The following KHDRBS2 variants were observed in gnomAD, a reference collection of about 807,000 sequenced individuals.
KHDRBS2 encodes the protein KH RNA binding domain containing, signal transduction associated 2.
A neutral mutation model predicts 44.3 loss-of-function variants in KHDRBS2; 26 were observed. That is an observed-to-expected ratio of 0.59 (90% CI 0.43 to 0.81). KHDRBS2 has a LOEUF of 0.81. Ranked by LOEUF, KHDRBS2 falls within the 40% of genes least tolerant of loss-of-function variation. KHDRBS2 has a pLI of 0.00. For synonymous variants in KHDRBS2, 194 were observed against 151.1 expected (o/e 1.28, Z -2.08); for missense variants, 476 against 433.1 (o/e 1.10, Z -0.88).
At chr6:61,788,021 T>A (rs1784076404) in intron 6 of KHDRBS2, among the ~76,000 whole-genome samples, 1 of 151,626 alleles carries the variant, frequency 6.6e-6, no homozygotes, top group Non-Finnish European at 1.5e-5. Context: ...TATATTTTAG[T>A]GAAATTGAAT....
intron 1 of KHDRBS2, among the ~76,000 whole-genome samples, chr6:62,237,594 A>C (rs1323187181): frequency 3.3e-5 from 5 of 152,204 alleles, no homozygotes; most frequent in Non-Finnish European, 5.9e-5. Flanking sequence ...TAAGAATAAA[A>C]GTATTAGCGT....
chr6:61,914,724 A>G lies in KHDRBS2; in HGVS notation c.484-13353T>C, dbSNP rs1806683557. 2.0e-5 allele frequency among the ~76,000 whole-genome samples: 3 copies of G among 152,144 alleles called. No individual in the cohort carries two copies. The South Asian group carries it at 6.2e-4, about 31-fold the overall frequency. On this transcript the variant is annotated intron_variant, in intron 4 of 8. Transcript: ENST00000281156. ...CTTAAATTGGGAATATTTCAGTGTG[A>G]TGTGATTTCTGTCTTCTGTAGATAG... is the stretch of plus-strand genomic sequence containing the variant.
At chr6:61,955,890 G>C (rs1767121715) in intron 4 of KHDRBS2, among the ~76,000 whole-genome samples, 1 of 151,996 alleles carries the variant, frequency 6.6e-6, no homozygotes, top group South Asian at 2.1e-4. Flanking sequence ...AGATTATGAA[G>C]CTGAGACACA....
intron 2 of KHDRBS2, among the ~76,000 whole-genome samples, chr6:62,055,090 A>G (rs1384809370): frequency 6.6e-6 from 1 of 152,048 alleles, no homozygotes; most frequent in Non-Finnish European, 1.5e-5. Flanking sequence ...TGAAAATACA[A>G]TAACTGTAAA....
At chr6:61,741,952 G>A (rs1323158758) in intron 6 of KHDRBS2, among the ~76,000 whole-genome samples, 1 of 151,814 alleles carries the variant, frequency 6.6e-6, no homozygotes, top group Admixed American at 6.6e-5. Context: ...TCTATAAAAG[G>A]TCAGCAGGCA....
chr6:61,984,956 A>T (rs2127236973), intron 3 of KHDRBS2, among the ~76,000 whole-genome samples: 1 of 152,234 alleles, frequency 6.6e-6, no homozygotes, highest in East Asian at 1.9e-4. Context: ...AAATAAACAA[A>T]CAATAGAAGG....
At chr6:62,000,346 C>T (rs1778008858) in intron 3 of KHDRBS2, among the ~76,000 whole-genome samples, 1 of 152,124 alleles carries the variant, frequency 6.6e-6, no homozygotes, top group African/African-American at 2.4e-5. Flanking sequence ...CAAATGTAAC[C>T]TCAGAATCCT....
intron 3 of KHDRBS2, among the ~76,000 whole-genome samples, chr6:61,983,251 T>TCTTTCTTTCTTTCTTTA (rs1774344894): frequency 7.0e-6 from 1 of 143,058 alleles, no homozygotes; most frequent in Non-Finnish European, 1.5e-5. Flanking sequence ...TTTTTTTTTT[T>TCTTTCTTTCTTTCTTTA]TTTTTTATAG....
rs547804445 is a variant in KHDRBS2 at position 62,080,888 on chromosome 6, G to C, written c.220-32894C>G. The stretch of plus-strand genomic sequence containing the variant: ...GCAATATTAGGTTCCTCTATTATTA[G>C]AGTATACAGCTCCCTTATGGCAGCC... On this transcript the variant is annotated intron_variant, in intron 2 of 8. Transcript: ENST00000281156. Among the ~76,000 whole-genome samples the C allele has an allele frequency of 1.2e-4, 18 of 152,172 alleles. No homozygotes were observed. In the East Asian group the frequency reaches 1.9e-3, roughly 16 times the overall value.
chr6:61,682,230 A>G (rs1468585779), intron 8 of KHDRBS2, among the ~76,000 whole-genome samples: 7 of 151,892 alleles, frequency 4.6e-5, no homozygotes, highest in African/African-American at 1.2e-4. Context: ...AAAACAATCT[A>G]CTATGTAGAA....
In KHDRBS2 at chr6:61,966,350, T is replaced by C. The variant is rs1769935520; in HGVS notation, c.483+11716A>G. Among the ~76,000 whole-genome samples the C allele has an allele frequency of 3.3e-5, 5 of 152,164 alleles. No homozygotes were observed. In the South Asian group the frequency reaches 1.0e-3, roughly 31 times the overall value. ...ATAATTTTCTAATATGAAATAAATTTAGCATTTTAATGCAATTTTAGTTAT... is the reference window on the plus strand; with the variant it reads ...ATAATTTTCTAATATGAAATAAATTCAGCATTTTAATGCAATTTTAGTTAT... On this transcript the variant is annotated intron_variant, in intron 4 of 8. Coordinates refer to ENST00000281156, the MANE Select transcript of KHDRBS2 (RefSeq NM_152688.4).
chr6:61,934,290 A>G (rs186261159), intron 4 of KHDRBS2, among the ~76,000 whole-genome samples: 1 of 151,970 alleles, frequency 6.6e-6, no homozygotes, highest in Non-Finnish European at 1.5e-5. Flanking sequence ...TTGTGCAGAA[A>G]CTTTTTGGTT....
chr6:61,846,487 T>C (rs76924807), intron 6 of KHDRBS2, among the ~76,000 whole-genome samples: 1 of 152,096 alleles, frequency 6.6e-6, no homozygotes, highest in Admixed American at 6.5e-5. Context: ...ATGTTGAGAA[T>C]AAGCTCAGAA....
At chr6:62,201,175 G>T (rs1325105372) in intron 1 of KHDRBS2, among the ~76,000 whole-genome samples, 1 of 151,982 alleles carries the variant, frequency 6.6e-6, no homozygotes, top group Non-Finnish European at 1.5e-5. Flanking sequence ...CATGGTACAT[G>T]TATACATATA....
chr6:61,645,133 C>T, the KHDRBS2 span, among the ~76,000 whole-genome samples: 7 of 152,092 alleles, frequency 4.6e-5, no homozygotes, highest in East Asian at 1.4e-3. Flanking sequence ...TACTATGCAG[C>T]CATAAAAAAT....
At chr6:62,250,725 T>A (rs989926416) in intron 1 of KHDRBS2, among the ~76,000 whole-genome samples, 2 of 152,042 alleles carry the variant, frequency 1.3e-5, no homozygotes, top group Non-Finnish European at 2.9e-5. Flanking sequence ...CTAGATATTT[T>A]CACGGTATTG....
intron 1 of KHDRBS2, among the ~76,000 whole-genome samples, chr6:62,220,271 G>GT (rs1830682972): frequency 6.6e-6 from 1 of 151,840 alleles, no homozygotes; most frequent in African/African-American, 2.4e-5. Flanking sequence ...AATTTAAATA[G>GT]TAACATATTT....
At chr6:61,558,016 C>G in the KHDRBS2 span, among the ~76,000 whole-genome samples, 1 of 152,046 alleles carries the variant, frequency 6.6e-6, no homozygotes, top group Non-Finnish European at 1.5e-5. Flanking sequence ...ATGTTTGGGT[C>G]TTTTCTCTTT....
chr6:61,695,536 A>G (rs1405343166), intron 8 of KHDRBS2, among the ~76,000 whole-genome samples: 1 of 152,160 alleles, frequency 6.6e-6, no homozygotes, highest in African/African-American at 2.4e-5. Context: ...TAGGTACTCC[A>G]TGTGTGGTAG....
Sources: allele counts gnomAD v4.1 joint callset (sites outside exome capture counted in the v4.1 genomes callset), GRCh38; gene constraint gnomAD v4.1.1; transcripts MANE v1.5; gene names NCBI Gene and HGNC (gene_info 2026-07-23, HGNC 2026-07-21).